The following SLC16A7 variants were observed in gnomAD, a reference collection of about 807,000 sequenced individuals.
The protein encoded by SLC16A7 is solute carrier family 16 member 7.
A neutral mutation model predicts 34.9 loss-of-function variants in SLC16A7; 33 were observed. The ratio of observed to expected loss-of-function variants is 0.94; its 90% CI spans 0.72 to 1.26. SLC16A7 has a LOEUF of 1.26. Among genes scored for constraint, SLC16A7 ranks in the 50% most tolerant of loss-of-function variants. SLC16A7 has a pLI of 0.00. For synonymous variants in SLC16A7, 201 were observed against 206.6 expected (o/e 0.97, Z 0.23); for missense variants, 573 against 578.1 (o/e 0.99, Z 0.09).
At chr12:59,597,307 C>T (rs1878467809) in intron 1 of SLC16A7, 3 of 151,448 alleles carry the variant, frequency 2.0e-5, no homozygotes, top group Non-Finnish European at 4.4e-5. Flanking sequence ...GGTTTCTCTA[C>T]AATTGTTTTT....
chr12:59,753,669 A>G (rs1879897566), intron 3 of SLC16A7, among the ~76,000 whole-genome samples: 1 of 151,988 alleles, frequency 6.6e-6, no homozygotes, highest in Non-Finnish European at 1.5e-5. Context: ...AGACTTTAAC[A>G]CCCCACTGTC....
chr12:59,638,345 A>G (rs1163912503), intron 1 of SLC16A7, among the ~76,000 whole-genome samples: 1 of 152,060 alleles, frequency 6.6e-6, no homozygotes, highest in Non-Finnish European at 1.5e-5. Flanking sequence ...TTTAGAGAAG[A>G]GGGGTTCTAG....
intron 2 of SLC16A7, among the ~76,000 whole-genome samples, chr12:59,688,258 G>T (rs775744218): frequency 9.2e-5 from 14 of 151,974 alleles, no homozygotes; most frequent in Non-Finnish European, 1.8e-4. Context: ...AAGTGACCAC[G>T]AGGAAAGCCA....
At chr12:59,720,009 C>T in intron 3 of SLC16A7, 1 of 676,430 alleles carries the variant, frequency 1.5e-6, no homozygotes, top group South Asian at 1.6e-5. Context: ...GACTTTGAAT[C>T]TCATGTTTTT....
chr12:59,755,423 T>C (rs1356870068), intron 3 of SLC16A7, among the ~76,000 whole-genome samples: 3 of 152,050 alleles, frequency 2.0e-5, no homozygotes, highest in South Asian at 2.1e-4. Flanking sequence ...GATAGAAAAT[T>C]AATGTACAAA....
intron 2 of SLC16A7, among the ~76,000 whole-genome samples, chr12:59,662,419 T>C (rs1041203481): frequency 1.3e-5 from 2 of 152,070 alleles, no homozygotes; most frequent in Non-Finnish European, 2.9e-5. Context: ...ATTTCCTCTC[T>C]CCTGTCCTCA....
intron 1 of SLC16A7, among the ~76,000 whole-genome samples, chr12:59,635,083 CCCA>C (rs1880356067): frequency 6.6e-6 from 1 of 151,962 alleles, no homozygotes. Context: ...ATATTCTCTC[CCCA>C]TTATTTATTA....
intron 3 of SLC16A7, among the ~76,000 whole-genome samples, chr12:59,712,327 C>A (rs1176914438): frequency 2.0e-5 from 3 of 152,174 alleles, no homozygotes; most frequent in African/African-American, 7.2e-5. Context: ...GGTCAATAAT[C>A]ATTTCTAAAA....
At chr12:59,602,596 G>A (rs752622379) in intron 1 of SLC16A7, among the ~76,000 whole-genome samples, 2 of 146,856 alleles carry the variant, frequency 1.4e-5, no homozygotes, top group Non-Finnish European at 3.0e-5. Flanking sequence ...TGATTCTCCT[G>A]CCCCAGCCTC....
chr12:59,727,178 T>A (rs1876384454), intron 3 of SLC16A7, among the ~76,000 whole-genome samples: 1 of 149,184 alleles, frequency 6.7e-6, no homozygotes, highest in Non-Finnish European at 1.5e-5. Context: ...ATAATATATA[T>A]ATGTTGTATT....
rs933547623 is a variant in SLC16A7 at position 59,668,701 on chromosome 12, G to A, written c.-31+13451G>A. Among the ~76,000 whole-genome samples, 10 of 152,146 alleles carry A rather than the reference G, an allele frequency of 6.6e-5. No individual in the cohort carries two copies. The East Asian group carries it at 7.7e-4, about 12-fold the overall frequency. On this transcript the variant is annotated intron_variant, in intron 2 of 5. Coordinates refer to ENST00000547379, the MANE Select transcript of SLC16A7 (RefSeq NM_001270623.2). ...CTTTGAGGGATTTTTGGGAAGGCAT[G>A]ATGGGTTTTAAAATGTGAAAACGAC...
At chr12:59,697,726 A>C (rs1345189595) in intron 2 of SLC16A7, among the ~76,000 whole-genome samples, 3 of 151,722 alleles carry the variant, frequency 2.0e-5, no homozygotes, top group Admixed American at 6.6e-5. Flanking sequence ...AAAAAAAAAA[A>C]AGTCTGCCTC....
intron 4 of SLC16A7, among the ~76,000 whole-genome samples, chr12:59,771,991 A>G (rs1882279790): frequency 6.6e-6 from 1 of 152,156 alleles, no homozygotes; most frequent in Non-Finnish European, 1.5e-5. Context: ...TCTCATGCAC[A>G]TATCTATTGA....
chr12:59,697,868 T>C (rs1163541150), intron 2 of SLC16A7, among the ~76,000 whole-genome samples: 19 of 151,846 alleles, frequency 1.3e-4, no homozygotes, highest in Admixed American at 1.3e-3. Flanking sequence ...AAATGTTTTC[T>C]TTTTCCAATT....
rs544860404 is a variant in SLC16A7, at chr12:59,630,217, C to T, written c.-129-24935C>T. On this transcript the variant is annotated intron_variant, in intron 1 of 5. Transcript: ENST00000547379. ...GTTTTCTCTTTGGGAAGTTTATAGTCTCATCTTGAGCATTATTACAGCTTA... is the reference window on the plus strand; with the variant it reads ...GTTTTCTCTTTGGGAAGTTTATAGTTTCATCTTGAGCATTATTACAGCTTA... Among the ~76,000 whole-genome samples the T allele has an allele frequency of 7.9e-5, 12 of 151,904 alleles. No homozygotes were observed. In the South Asian group the frequency reaches 2.5e-3, roughly 32 times the overall value.
chr12:59,682,380 A>G (rs1870810048), intron 2 of SLC16A7, among the ~76,000 whole-genome samples: 1 of 152,180 alleles, frequency 6.6e-6, no homozygotes, highest in Admixed American at 6.5e-5. Flanking sequence ...TAAAAAAGTA[A>G]AGTTCAGCAT....
intron 2 of SLC16A7, among the ~76,000 whole-genome samples, chr12:59,693,131 A>G (rs1343177409): frequency 6.6e-6 from 1 of 151,880 alleles, no homozygotes; most frequent in Non-Finnish European, 1.5e-5. Context: ...GTAGAGAAAA[A>G]CTCATGCTTT....
intron 3 of SLC16A7, among the ~76,000 whole-genome samples, chr12:59,740,608 T>G (rs1442770150): frequency 6.6e-6 from 1 of 152,170 alleles, no homozygotes; most frequent in Non-Finnish European, 1.5e-5. Flanking sequence ...AATATCATAC[T>G]GAATGGGCAA....
intron 2 of SLC16A7, among the ~76,000 whole-genome samples, chr12:59,703,649 T>A (rs954664196): frequency 2.0e-5 from 3 of 152,094 alleles, no homozygotes; most frequent in African/African-American, 7.2e-5. Context: ...CCTGTCTCTG[T>A]CACCCAGGAT....
Sources: gnomAD v4.1 joint callset for allele counts (sites outside exome capture counted in the v4.1 genomes callset) on GRCh38, gnomAD v4.1.1 for gene constraint, MANE v1.5 for transcripts, NCBI Gene and HGNC (gene_info 2026-07-23, HGNC 2026-07-21) for gene names.